AUTS2: variants seen among roughly 807,000 people sequenced by gnomAD.
AUTS2 encodes activator of transcription and developmental regulator AUTS2.
Under a neutral mutation model 112.4 loss-of-function variants are expected in AUTS2, and 17 were observed. The ratio of observed to expected loss-of-function variants is 0.15; its 90% CI spans 0.10 to 0.23. The LOEUF (loss-of-function observed/expected upper bound fraction) is 0.23, where lower values mean the gene tolerates loss of function less well. Among genes scored for constraint, AUTS2 ranks in the 10% least tolerant of loss-of-function variants. AUTS2 has a pLI of 1.00. For synonymous variants in AUTS2, 751 were observed against 702.7 expected (o/e 1.07, Z -1.09); for missense variants, 1,510 against 1,701.6 (o/e 0.89, Z 1.98).
At chr7:70,365,463 T>C (rs1562911967) in intron 4 of AUTS2, among the ~76,000 whole-genome samples, 1 of 152,212 alleles carries the variant, frequency 6.6e-6, no homozygotes, top group Non-Finnish European at 1.5e-5. Flanking sequence ...AAGAATATTA[T>C]ATTCCAATGA....
intron 4 of AUTS2, among the ~76,000 whole-genome samples, chr7:70,328,394 T>A (rs6978841): frequency 0.21 from 31,566 of 151,924 alleles, 3,296 homozygotes; most frequent in Middle Eastern, 0.33. Flanking sequence ...GTTTATTATT[T>A]TTTTTTTAAT....
chr7:70,444,373 T>TGTGTGTGTGTGTGTGTGAGAGA lies in AUTS2; in HGVS notation c.690+8593_690+8594insTGTGTGTGTGTGTGTGAGAGAG, dbSNP rs372696006. 3.4e-3 allele frequency among the ~76,000 whole-genome samples: 479 copies of TGTGTGTGTGTGTGTGTGAGAGA among 142,434 alleles called. 4 individuals carry two copies. The highest frequency in any genetic ancestry group is 0.012 in the African/African-American group (451 of 37,156). The allele number at this position is 142,434 out of a possible 152,430, so 93.4% of individuals were successfully genotyped here. A position where few individuals can be genotyped will look rare whatever the true frequency, so the allele number is the denominator to read the frequency against. Reference sequence around the variant, plus strand: ...GTGTGTGTGTGTGTGTGTGTGTGTGTGAGAGAGAGAGAGAGAGAGAAAGAG... The same window carrying TGTGTGTGTGTGTGTGTGAGAGA: ...GTGTGTGTGTGTGTGTGTGTGTGTGTGTGTGTGTGTGTGTGTGAGAGAGAGAGAGAGAGAGAGAGAGAAAGAG... On this transcript the variant is annotated intron_variant, in intron 5 of 18. Transcript: ENST00000342771.
At chr7:69,808,256 A>G (rs10245690) in intron 1 of AUTS2, among the ~76,000 whole-genome samples, 11,566 of 152,220 alleles carry the variant, frequency 0.076, 596 homozygotes, top group African/African-American at 0.14. Flanking sequence ...GAGGAGCATT[A>G]AATTGTGGAC....
intron 2 of AUTS2, among the ~76,000 whole-genome samples, chr7:70,080,127 A>G (rs921422327): frequency 2.0e-5 from 3 of 152,090 alleles, no homozygotes; most frequent in Non-Finnish European, 2.9e-5. Context: ...TACAAATCCA[A>G]ATTTGGTCAT....
chr7:70,266,685 G>A (rs1198433904), intron 4 of AUTS2, among the ~76,000 whole-genome samples: 4 of 152,126 alleles, frequency 2.6e-5, no homozygotes, highest in African/African-American at 9.7e-5. Context: ...CTCTTAAAAT[G>A]TGGGTGTATT....
intron 6 of AUTS2, among the ~76,000 whole-genome samples, chr7:70,707,843 A>G (rs964255213): frequency 1.3e-5 from 2 of 152,062 alleles, no homozygotes; most frequent in African/African-American, 4.8e-5. Context: ...ATTAGAAATG[A>G]TTTAGGAATT....
intron 4 of AUTS2, among the ~76,000 whole-genome samples, chr7:70,431,427 G>A (rs573444095): frequency 3.3e-4 from 50 of 152,192 alleles, no homozygotes; most frequent in Middle Eastern, 3.4e-3. Context: ...ACGAAGTCTC[G>A]CTCTGTTGCC....
rs1436740028 is a variant in AUTS2 at position 70,068,542 on chromosome 7, C to T, written c.523-49590C>T. On this transcript the variant is annotated intron_variant, in intron 2 of 18. Transcript: ENST00000342771. ...TTACACTTATGATAAAAATTATCAT[C>T]ATGAAAGATTTTATGTTCAAGGATT... Among the ~76,000 whole-genome samples, 4 of 152,102 alleles carry T rather than the reference C, an allele frequency of 2.6e-5. No homozygotes were observed. The East Asian group carries it at 7.7e-4, about 29-fold the overall frequency.
At chr7:70,556,138 G>T (rs904649764) in intron 5 of AUTS2, among the ~76,000 whole-genome samples, 1 of 152,112 alleles carries the variant, frequency 6.6e-6, no homozygotes, top group Non-Finnish European at 1.5e-5. Context: ...AAGGCAAAGC[G>T]GGGGTAGGCA....
In AUTS2 at chr7:69,980,380, G is replaced by A. The variant is rs529538377; in HGVS notation, c.522+80882G>A. On this transcript the variant is annotated intron_variant, in intron 2 of 18. Transcript: ENST00000342771. The stretch of plus-strand genomic sequence containing the variant: ...AGTTCAGTTTTGCAGAGGGAGTGCA[G>A]AGAAACTTCCTTGGAGTTATATAAT... Among the ~76,000 whole-genome samples the A allele has an allele frequency of 2.0e-5, 3 of 152,344 alleles. No homozygotes were observed. In the East Asian group the frequency reaches 5.8e-4, roughly 29 times the overall value.
intron 1 of AUTS2, among the ~76,000 whole-genome samples, chr7:69,632,856 T>A (rs1794328363): frequency 6.6e-6 from 1 of 152,154 alleles, no homozygotes; most frequent in African/African-American, 2.4e-5. Context: ...TTTATTTATT[T>A]TTAAAATAAG....
intron 3 of AUTS2, among the ~76,000 whole-genome samples, chr7:70,131,391 AG>A (rs1288079507): frequency 2.0e-5 from 3 of 152,206 alleles, no homozygotes; most frequent in Non-Finnish European, 2.9e-5. Flanking sequence ...GGTTGCAGTG[AG>A]TCATGATCTT....
At chr7:70,688,918 C>G (rs1808605580) in intron 5 of AUTS2, among the ~76,000 whole-genome samples, 2 of 152,228 alleles carry the variant, frequency 1.3e-5, no homozygotes, top group African/African-American at 4.8e-5. Context: ...TACAATTTAA[C>G]ATGTCTAAAT....
intron 2 of AUTS2, among the ~76,000 whole-genome samples, chr7:70,005,860 G>A (rs148874263): frequency 3.3e-5 from 5 of 152,218 alleles, no homozygotes; most frequent in Admixed American, 6.5e-5. Flanking sequence ...TTTGAAAATT[G>A]GTTTTATATG....
intron 2 of AUTS2, among the ~76,000 whole-genome samples, chr7:69,935,092 A>G (rs1239859418): frequency 2.0e-5 from 3 of 152,170 alleles, no homozygotes; most frequent in Non-Finnish European, 2.9e-5. Context: ...GCCCCATATA[A>G]GCTCACTTTC....
At chr7:70,245,456 T>C (rs1584926775) in intron 4 of AUTS2, among the ~76,000 whole-genome samples, 1 of 152,168 alleles carries the variant, frequency 6.6e-6, no homozygotes, top group South Asian at 2.1e-4. Context: ...GTAAAGTTTA[T>C]CTTTGTTTCC....
At chr7:69,864,278 C>T (rs1793121950) in intron 1 of AUTS2, among the ~76,000 whole-genome samples, 1 of 151,972 alleles carries the variant, frequency 6.6e-6, no homozygotes, top group African/African-American at 2.4e-5. Flanking sequence ...TTTTTTTCCC[C>T]CTACGGTGCA....
chr7:70,722,686 T>C (rs1786765094), intron 6 of AUTS2, among the ~76,000 whole-genome samples: 1 of 152,206 alleles, frequency 6.6e-6, no homozygotes, highest in African/African-American at 2.4e-5. Context: ...CATTAAGTCA[T>C]TATGGTGTCT....
intron 5 of AUTS2, 173 bp downstream of exon 5, chr7:70,435,954 A>G (rs767450909): frequency 5.4e-5 from 32 of 587,818 alleles, no homozygotes; most frequent in Middle Eastern, 3.6e-4. Context: ...GACACGTTTA[A>G]TTTGTCAGAT....
Sources: gnomAD v4.1 joint callset for allele counts (sites outside exome capture counted in the v4.1 genomes callset) on GRCh38, gnomAD v4.1.1 for gene constraint, MANE v1.5 for transcripts, NCBI Gene and HGNC (gene_info 2026-07-23, HGNC 2026-07-21) for gene names.